Variants in OTUD7A observed in about 807,000 individuals in gnomAD.
OTUD7A encodes the protein OTU deubiquitinase 7A, also known as OTU domain-containing protein 7A.
In OTUD7A, 12 loss-of-function variants were observed where a neutral mutation model predicts 65.7. The observed-to-expected ratio is 0.18, with a 90% CI of 0.12 to 0.30. OTUD7A has a LOEUF of 0.30. Among genes scored for constraint, OTUD7A ranks in the 10% least tolerant of loss-of-function variants. OTUD7A has a pLI of 1.00. For missense variants in OTUD7A, 1,148 were observed against 1,304.8 expected (o/e 0.88, Z 1.85); for synonymous variants, 641 against 586.3 (o/e 1.09, Z -1.35).
intron 1 of OTUD7A, among the ~76,000 whole-genome samples, chr15:31,746,830 G>A (rs1894492826): frequency 6.6e-6 from 1 of 152,174 alleles, no homozygotes; most frequent in Admixed American, 6.5e-5. Context: ...AACAAATACA[G>A]TCTAAATAAT....
Position 31,483,468 on chromosome 15 carries a change from CGCGTCG to C in OTUD7A, c.2622_2627del (p.Asp875_Ala876del), listed in dbSNP as rs748063208. ...ACTCACCGTTCGAGCGCGCGGTCGG[CGCGTCG>C]GCGTCGGCGAACTCCAGGCCGTCGC... On this transcript the variant is annotated inframe_deletion, in exon 13 of 13. Coordinates refer to ENST00000307050, the MANE Select transcript of OTUD7A (RefSeq NM_001382637.1). The C allele has an allele frequency of 4.3e-6, 6 of 1,382,846 alleles. No individual in the cohort carries two copies. The highest frequency in any genetic ancestry group is 3.4e-5 in the East Asian group (1 of 29,488). The allele number at this position is 1,382,846 out of a possible 1,614,324, so 85.7% of individuals were successfully genotyped here.
At chr15:31,701,454 T>G (rs1007832898) in intron 1 of OTUD7A, among the ~76,000 whole-genome samples, 6 of 151,802 alleles carry the variant, frequency 4.0e-5, no homozygotes, top group African/African-American at 1.4e-4. Context: ...ACACAAATGA[T>G]CAATATCTGG....
intron 1 of OTUD7A, among the ~76,000 whole-genome samples, chr15:31,666,264 G>C (rs1198774711): frequency 1.3e-5 from 2 of 151,892 alleles, no homozygotes; most frequent in Non-Finnish European, 1.5e-5. Context: ...TTCTTTTGTT[G>C]GTAATTTTTA....
intron 3 of OTUD7A, among the ~76,000 whole-genome samples, chr15:31,654,511 T>C (rs1049963292): frequency 6.6e-6 from 1 of 152,134 alleles, no homozygotes; most frequent in Non-Finnish European, 1.5e-5. Context: ...AGTTCTCTCC[T>C]CTCACACAGC....
chr15:31,617,886 GTCAT>G (rs1321000121), intron 3 of OTUD7A, among the ~76,000 whole-genome samples: 6 of 151,680 alleles, frequency 4.0e-5, no homozygotes, highest in African/African-American at 1.5e-4. Flanking sequence ...CCATTAATTC[GTCAT>G]TCACATTACG....
At chr15:31,685,428 G>C (rs1440594753) in intron 1 of OTUD7A, among the ~76,000 whole-genome samples, 1 of 152,070 alleles carries the variant, frequency 6.6e-6, no homozygotes, top group African/African-American at 2.4e-5. Flanking sequence ...GGTGGATCAT[G>C]ACGTCAGGAG....
intron 3 of OTUD7A, among the ~76,000 whole-genome samples, chr15:31,610,682 C>T (rs1399079646): frequency 2.4e-5 from 3 of 122,774 alleles, no homozygotes; most frequent in East Asian, 2.6e-4. Flanking sequence ...AATGCAATGG[C>T]GCAACCTTGG....
At chr15:31,722,066 A>G (rs1326058210) in intron 1 of OTUD7A, among the ~76,000 whole-genome samples, 1 of 152,222 alleles carries the variant, frequency 6.6e-6, no homozygotes, top group Non-Finnish European at 1.5e-5. Context: ...TGTGCCATGA[A>G]GGCACAGTGG....
At chr15:31,485,852 G>A (rs1396693923) in intron 12 of OTUD7A, among the ~76,000 whole-genome samples, 1 of 152,150 alleles carries the variant, frequency 6.6e-6, no homozygotes, top group African/African-American at 2.4e-5. Flanking sequence ...TGACTCTCCT[G>A]TGACCAGGTC....
chr15:31,527,446 G>A (rs751762540), intron 6 of OTUD7A, 138 bp from the exon 7 acceptor site: 56 of 1,156,346 alleles, frequency 4.8e-5, no homozygotes, highest in Non-Finnish European at 6.7e-5. Flanking sequence ...CAGCGGTTCT[G>A]TTAATTCCCC....
At chr15:31,755,517 C>T (rs1295978247) in intron 1 of OTUD7A, among the ~76,000 whole-genome samples, 3 of 152,060 alleles carry the variant, frequency 2.0e-5, no homozygotes, top group African/African-American at 4.8e-5. Flanking sequence ...GTCAGGAGAT[C>T]GAGACCATTC....
At chr15:31,592,904 AATATATAT>A (rs1226266359) in intron 3 of OTUD7A, among the ~76,000 whole-genome samples, 1,103 of 59,040 alleles carry the variant, frequency 0.019, 56 homozygotes, top group Middle Eastern at 0.077. Flanking sequence ...AAAAAAAAAA[AATATATAT>A]ATATATATAT....
intron 3 of OTUD7A, among the ~76,000 whole-genome samples, chr15:31,637,798 TGTG>T (rs1213780109): frequency 6.6e-6 from 1 of 152,114 alleles, no homozygotes; most frequent in Non-Finnish European, 1.5e-5. Flanking sequence ...TAACTGCAGA[TGTG>T]GTGGAAGAGA....
chr15:31,850,231 T>TA (rs1041411471), intron 1 of OTUD7A, among the ~76,000 whole-genome samples: 5 of 152,110 alleles, frequency 3.3e-5, no homozygotes, highest in Non-Finnish European at 7.4e-5. Context: ...TATGCAGCCA[T>TA]AAAAAAGGAT....
intron 1 of OTUD7A, among the ~76,000 whole-genome samples, chr15:31,808,413 G>A (rs1037364925): frequency 2.0e-5 from 3 of 152,078 alleles, no homozygotes; most frequent in Non-Finnish European, 2.9e-5. Flanking sequence ...CATGAGCCGC[G>A]ACAAGCTTCT....
intron 1 of OTUD7A, among the ~76,000 whole-genome samples, chr15:31,779,483 A>C (rs764037456): frequency 9.9e-5 from 15 of 152,252 alleles, no homozygotes; most frequent in Non-Finnish European, 2.1e-4. Context: ...TATTTCATAT[A>C]AACAGCATTT....
At chr15:31,524,286 G>T (rs1425216593) in intron 8 of OTUD7A, among the ~76,000 whole-genome samples, 1 of 152,158 alleles carries the variant, frequency 6.6e-6, no homozygotes, top group Non-Finnish European at 1.5e-5. Flanking sequence ...TCTACAGACT[G>T]CTGTATTTGA....
At chr15:31,636,308 T>A (rs1170924658) in intron 3 of OTUD7A, among the ~76,000 whole-genome samples, 1 of 152,214 alleles carries the variant, frequency 6.6e-6, no homozygotes, top group Non-Finnish European at 1.5e-5. Context: ...TTATATCTGT[T>A]ATAGTGATCT....
chr15:31,649,092 G>A (rs1891760552), intron 3 of OTUD7A, among the ~76,000 whole-genome samples: 1 of 152,180 alleles, frequency 6.6e-6, no homozygotes, highest in African/African-American at 2.4e-5. Context: ...TTACCTATAT[G>A]GCACTGGGGG....
Sources: allele counts gnomAD v4.1 joint callset (sites outside exome capture counted in the v4.1 genomes callset), GRCh38; gene constraint gnomAD v4.1.1; transcripts MANE v1.5; gene names NCBI Gene and HGNC (gene_info 2026-07-23, HGNC 2026-07-21).